DOCK4: variants seen among roughly 807,000 people sequenced by gnomAD.
DOCK4 encodes the protein dedicator of cytokinesis 4.
In DOCK4, 97 loss-of-function variants were observed where a neutral mutation model predicts 268.1. The ratio of observed to expected loss-of-function variants is 0.36; its 90% CI spans 0.31 to 0.43. DOCK4 has a LOEUF of 0.43. Ranked by LOEUF, DOCK4 falls within the 20% of genes least tolerant of loss-of-function variation. The pLI is 1.00. For missense variants in DOCK4, 2,145 were observed against 2,455.7 expected (o/e 0.87, Z 2.67); for synonymous variants, 954 against 887.2 (o/e 1.08, Z -1.34).
intron 1 of DOCK4, among the ~76,000 whole-genome samples, chr7:112,199,652 T>C (rs1409040522): frequency 6.6e-6 from 1 of 152,224 alleles, no homozygotes; most frequent in Non-Finnish European, 1.5e-5. Flanking sequence ...AAACAAGTTA[T>C]ACAAGTTGCC....
chr7:112,092,616 G>T (rs1809737715), intron 1 of DOCK4, among the ~76,000 whole-genome samples: 1 of 152,060 alleles, frequency 6.6e-6, no homozygotes, highest in Admixed American at 6.6e-5. Flanking sequence ...ACATCTAAAA[G>T]AACTCAAGTG....
At chr7:111,910,365 T>C (rs1791992976) in intron 13 of DOCK4, among the ~76,000 whole-genome samples, 1 of 152,204 alleles carries the variant, frequency 6.6e-6, no homozygotes, top group Non-Finnish European at 1.5e-5. Flanking sequence ...TGTTTAGAGT[T>C]GGGCTGTCCA....
At chr7:112,059,829 G>C (rs907856370) in intron 1 of DOCK4, among the ~76,000 whole-genome samples, 8 of 152,116 alleles carry the variant, frequency 5.3e-5, no homozygotes, top group Non-Finnish European at 1.0e-4. Flanking sequence ...TTTTCAGATA[G>C]CATATCTAAT....
intron 16 of DOCK4, among the ~76,000 whole-genome samples, chr7:111,881,628 G>A (rs1434558307): frequency 6.6e-6 from 1 of 152,192 alleles, no homozygotes. Context: ...GCACTTCCAT[G>A]TTTGTTGTGT....
chr7:111,913,550 C>T (rs1439909639), intron 13 of DOCK4, among the ~76,000 whole-genome samples: 34 of 147,572 alleles, frequency 2.3e-4, no homozygotes, highest in African/African-American at 3.5e-4. Flanking sequence ...GCTGGGACTA[C>T]AGGCGCCCGC....
chr7:112,051,094 T>C (rs1480072001), intron 1 of DOCK4, among the ~76,000 whole-genome samples: 1 of 152,116 alleles, frequency 6.6e-6, no homozygotes, highest in African/African-American at 2.4e-5. Context: ...ATAATACCAC[T>C]GTACTATACA....
rs146619793 is a variant in DOCK4 at position 111,749,890 on chromosome 7, G to A, written c.4417-2447C>T. Among the ~76,000 whole-genome samples the A allele has an allele frequency of 4.0e-3, 607 of 152,262 alleles. 2 individuals are homozygous for A. Among genetic ancestry groups the A allele is most frequent in the Middle Eastern group, 0.014 (4 of 294 alleles). On this transcript the variant is annotated intron_variant, in intron 42 of 52. Coordinates refer to ENST00000428084, the MANE Select transcript of DOCK4 (RefSeq NM_001363540.2). ...ACTAGTTATCCCCTCTAGACAGGGT[G>A]TAAACGATATATCCCATTGCTGAGC... is the stretch of plus-strand genomic sequence containing the variant.
chr7:111,847,091 G>A lies in DOCK4; in HGVS notation c.2509C>T (p.His837Tyr). 2 of 1,613,820 alleles carry A rather than the reference G, an allele frequency of 1.2e-6. No homozygotes were observed. Among genetic ancestry groups the A allele is most frequent in the Non-Finnish European group, 8.5e-7 (1 of 1,179,762 alleles). Residue 837 changes from histidine (H) to tyrosine (Y), a missense_variant, in exon 24 of 53, where the codon CAC (histidine) becomes TAC (tyrosine). Physicochemically the swap from His to Tyr is moderately conservative, Grantham distance 83 (BLOSUM62 2). Coordinates refer to ENST00000428084, the MANE Select transcript of DOCK4 (RefSeq NM_001363540.2). ...RYILLPVVLHHLHIHLQEQKD... is the reference protein window; with the variant it reads ...RYILLPVVLHYLHIHLQEQKD... ...TGTTCTTGCAAGTGAATGTGGAGGT[G>A]ATGTAACACGACAGGCAGAAGAATG...
At chr7:112,101,648 A>G (rs73434685) in intron 1 of DOCK4, among the ~76,000 whole-genome samples, 3,849 of 152,154 alleles carry the variant, frequency 0.025, 169 homozygotes, top group African/African-American at 0.088. Context: ...CTTTCCAACC[A>G]TAACTGTTTT....
At position 112,197,964 on chromosome 7, in the gene DOCK4, T is replaced by C. The variant is rs1820604173; in HGVS notation, c.37+8138A>G. On this transcript the variant is annotated intron_variant, in intron 1 of 52. Transcript: ENST00000428084. ...ATCTTCATCTTACATAAGCCTGACC[T>C]GCCTAGAAAAAAAAAAAAAAAAAAA... Among the ~76,000 whole-genome samples the C allele has an allele frequency of 1.6e-4, 18 of 111,110 alleles. No individual in the cohort carries two copies. The South Asian group carries it at 5.4e-3, about 33-fold the overall frequency. The allele number at this position is 111,110 out of a possible 152,430, so 72.9% of individuals were successfully genotyped here. A position where few individuals can be genotyped will look rare whatever the true frequency, so the allele number is the denominator to read the frequency against.
chr7:111,734,947 T>A, intron 51 of DOCK4, 107 bp downstream of exon 51: 1 of 854,586 alleles, frequency 1.2e-6, no homozygotes, highest in Non-Finnish European at 1.9e-6. Flanking sequence ...AAGGTTTTTA[T>A]CCCAGAAATC....
At chr7:111,929,771 C>A (rs1177055357) in intron 12 of DOCK4, among the ~76,000 whole-genome samples, 5 of 151,308 alleles carry the variant, frequency 3.3e-5, no homozygotes, top group Non-Finnish European at 7.4e-5. Context: ...CATGTACACT[C>A]ATCTAAGATA....
At chr7:111,766,989 A>G in intron 38 of DOCK4, 43 bp downstream of exon 38, 2 of 1,480,044 alleles carry the variant, frequency 1.4e-6, no homozygotes, top group Non-Finnish European at 1.9e-6. Context: ...GCTAATCACA[A>G]AGGGAGGCTA....
At chr7:111,776,075 A>C (rs1798426034) in intron 36 of DOCK4, among the ~76,000 whole-genome samples, 1 of 152,220 alleles carries the variant, frequency 6.6e-6, no homozygotes, top group Non-Finnish European at 1.5e-5. Context: ...TCAAAAAATT[A>C]ATGTCTTCCT....
intron 8 of DOCK4, among the ~76,000 whole-genome samples, chr7:111,962,791 T>C (rs1396429808): frequency 2.6e-5 from 4 of 152,184 alleles, no homozygotes; most frequent in Non-Finnish European, 5.9e-5. Context: ...TTTAATGAAG[T>C]GATGTTAGGA....
chr7:111,752,081 T>A (rs1786946747), intron 42 of DOCK4, among the ~76,000 whole-genome samples: 2 of 152,190 alleles, frequency 1.3e-5, no homozygotes, highest in South Asian at 2.1e-4. Flanking sequence ...TTCAGGTTTT[T>A]AAAAATAAAT....
rs549790535 is a variant in DOCK4 at position 112,128,574 on chromosome 7, G to A, written c.37+77528C>T. ...GACTTCATTTTGTTCTGTACTAAGA[G>A]AAATTCTTCTGCCTTGGGATCCTGT... On this transcript the variant is annotated intron_variant, in intron 1 of 52. Coordinates refer to ENST00000428084, the MANE Select transcript of DOCK4 (RefSeq NM_001363540.2). Among the ~76,000 whole-genome samples, 259 of 152,358 alleles carry A rather than the reference G, an allele frequency of 1.7e-3. 1 individual carries two copies. The Middle Eastern group carries it at 0.031, about 18-fold the overall frequency.
At chr7:111,830,514 A>G (rs1210860601) in intron 26 of DOCK4, among the ~76,000 whole-genome samples, 1 of 152,128 alleles carries the variant, frequency 6.6e-6, no homozygotes, top group Non-Finnish European at 1.5e-5. Flanking sequence ...CATTCACTCC[A>G]GTTATTTCTC....
intron 39 of DOCK4, among the ~76,000 whole-genome samples, chr7:111,764,374 T>G (rs1460696457): frequency 2.0e-5 from 3 of 152,236 alleles, no homozygotes; most frequent in African/African-American, 7.2e-5. Flanking sequence ...ATTTCTGTAT[T>G]GAGAACTAAA....
Sources: gnomAD v4.1 joint callset for allele counts (sites outside exome capture counted in the v4.1 genomes callset) on GRCh38, gnomAD v4.1.1 for gene constraint, MANE v1.5 for transcripts, NCBI Gene and HGNC (gene_info 2026-07-23, HGNC 2026-07-21) for gene names.